Variants in TLN2 observed in about 807,000 individuals in gnomAD.
The protein encoded by TLN2 is talin 2, also known as talin-2.
TLN2 carries 118 observed loss-of-function variants against 294.7 expected under a neutral mutation model. The observed-to-expected ratio is 0.40, with a 90% CI of 0.34 to 0.47. TLN2 has a LOEUF of 0.47. Among genes scored for constraint, TLN2 ranks in the 20% least tolerant of loss-of-function variants. TLN2 has a pLI of 0.84. For missense variants in TLN2, 3,083 were observed against 3,282.2 expected, an observed-to-expected ratio of 0.94 and a Z score of 1.48; for synonymous variants, 1,431 against 1,304.5, an observed-to-expected ratio of 1.10 and a Z score of -2.09.
chr15:62,423,045 G>A (rs768815072), intron 1 of TLN2, among the ~76,000 whole-genome samples: 3 of 152,202 alleles, frequency 2.0e-5, no homozygotes, highest in Non-Finnish European at 2.9e-5. Flanking sequence ...AGGGGGAAGA[G>A]GTTATCCTGA....
intron 51 of TLN2, among the ~76,000 whole-genome samples, chr15:62,808,840 A>G (rs1406619861): frequency 6.6e-6 from 1 of 152,210 alleles, no homozygotes; most frequent in Non-Finnish European, 1.5e-5. Flanking sequence ...TGGCTCATAC[A>G]TGACATGCTG....
At chr15:62,587,766 A>G (rs1031067176) in intron 1 of TLN2, among the ~76,000 whole-genome samples, 1 of 152,240 alleles carries the variant, frequency 6.6e-6, no homozygotes, top group African/African-American at 2.4e-5. Context: ...TGGCTACAGA[A>G]TGACGTTTCC....
At chr15:62,763,490 C>CGTAT in intron 39 of TLN2, 73 bp from the exon 40 acceptor site, 1 of 1,513,152 alleles carries the variant, frequency 6.6e-7, no homozygotes, top group Non-Finnish European at 8.8e-7. Flanking sequence ...GGATCCTGGC[C>CGTAT]CACCAGTGCT....
At chr15:62,826,103 TCA>T (rs1302559886) in intron 54 of TLN2, among the ~76,000 whole-genome samples, 1 of 151,242 alleles carries the variant, frequency 6.6e-6, no homozygotes, top group Admixed American at 6.6e-5. Context: ...GTCAGATCCT[TCA>T]CAGACACAGA....
chr15:62,596,928 G>A (rs1486362459), intron 2 of TLN2, among the ~76,000 whole-genome samples: 4 of 151,812 alleles, frequency 2.6e-5, no homozygotes, highest in Admixed American at 1.3e-4. Flanking sequence ...TCTTTTACGG[G>A]GGCTTCCACA....
intron 52 of TLN2, among the ~76,000 whole-genome samples, chr15:62,810,952 T>C (rs1165229344): frequency 6.6e-6 from 1 of 152,208 alleles, no homozygotes; most frequent in East Asian, 1.9e-4. Context: ...CTGGGCATTC[T>C]CAAGTTTTCT....
At chr15:62,460,811 A>G (rs903028316) in intron 1 of TLN2, among the ~76,000 whole-genome samples, 8 of 152,152 alleles carry the variant, frequency 5.3e-5, no homozygotes, top group Non-Finnish European at 1.0e-4. Flanking sequence ...AACTGAACTC[A>G]CCTGTGTAAC....
At chr15:62,540,321 C>T (rs973386759) in intron 1 of TLN2, among the ~76,000 whole-genome samples, 2 of 150,760 alleles carry the variant, frequency 1.3e-5, no homozygotes, top group Admixed American at 6.6e-5. Context: ...GCCTGGGTGA[C>T]GGAGTGAGAC....
intron 52 of TLN2, among the ~76,000 whole-genome samples, chr15:62,815,177 T>TCACACACACACACACACA (rs3055852): frequency 2.1e-5 from 3 of 140,690 alleles, no homozygotes; most frequent in African/African-American, 5.5e-5. Context: ...ATTCTGTCTG[T>TCACACACACACACACACA]CACACACACA....
intron 1 of TLN2, among the ~76,000 whole-genome samples, chr15:62,426,957 C>G (rs1194138898): frequency 6.6e-6 from 1 of 152,168 alleles, no homozygotes; most frequent in Non-Finnish European, 1.5e-5. Flanking sequence ...GCCACCCAGA[C>G]GGCCCCTCTC....
intron 14 of TLN2, among the ~76,000 whole-genome samples, chr15:62,695,530 C>T (rs574243741): frequency 2.5e-4 from 38 of 152,310 alleles, no homozygotes; most frequent in Admixed American, 2.1e-3. Flanking sequence ...GACTCAGATT[C>T]AGATCTTGCG....
rs539178783 is a variant in TLN2, at chr15:62,663,292, T to C, written c.788+5394T>C. Among the ~76,000 whole-genome samples, 76 of 152,258 alleles carry C rather than the reference T, an allele frequency of 5.0e-4. No homozygotes were observed. The East Asian group carries it at 6.0e-3, about 12-fold the overall frequency. ...TAATCTTGATGACAAAAAGAAAAAC[T>C]TCATGGCATGCCAGAAATTCATGAA... On this transcript the variant is annotated intron_variant, in intron 9 of 58. Coordinates refer to ENST00000636159, the MANE Select transcript of TLN2 (RefSeq NM_015059.3).
At chr15:62,787,859 T>C (rs1286089452) in intron 45 of TLN2, among the ~76,000 whole-genome samples, 1 of 150,792 alleles carries the variant, frequency 6.6e-6, no homozygotes, top group Non-Finnish European at 1.5e-5. Context: ...GCCAGGCTGA[T>C]TTTTGTATTT....
At chr15:62,543,268 ACT>A (rs1283148779) in intron 1 of TLN2, among the ~76,000 whole-genome samples, 3 of 151,876 alleles carry the variant, frequency 2.0e-5, no homozygotes, top group Non-Finnish European at 2.9e-5. Context: ...TTGTTCAGAA[ACT>A]CTATATTCTC....
At chr15:62,699,535 C>G (rs146251083) in intron 16 of TLN2, among the ~76,000 whole-genome samples, 247 of 152,164 alleles carry the variant, frequency 1.6e-3, no homozygotes, top group African/African-American at 5.8e-3. Flanking sequence ...GGTGATTAAC[C>G]CAGAGATCTT....
At chr15:62,431,374 C>T (rs1418247528) in intron 1 of TLN2, among the ~76,000 whole-genome samples, 1 of 152,146 alleles carries the variant, frequency 6.6e-6, no homozygotes, top group Admixed American at 6.5e-5. Context: ...CTAATTAAGG[C>T]CGAATGTTCT....
At chr15:62,656,304 T>C (rs995233045) in intron 8 of TLN2, among the ~76,000 whole-genome samples, 21 of 152,194 alleles carry the variant, frequency 1.4e-4, no homozygotes, top group Non-Finnish European at 2.9e-4. Context: ...CCCTATGGCT[T>C]CCCAGATTGT....
At chr15:62,484,159 T>C (rs952529146) in intron 1 of TLN2, among the ~76,000 whole-genome samples, 24 of 152,208 alleles carry the variant, frequency 1.6e-4, no homozygotes, top group African/African-American at 5.8e-4. Flanking sequence ...AAAAGCTGGG[T>C]CAGGGTGGGT....
chr15:62,459,350 T>C (rs1294469828), intron 1 of TLN2, among the ~76,000 whole-genome samples: 1 of 151,176 alleles, frequency 6.6e-6, no homozygotes, highest in Non-Finnish European at 1.5e-5. Flanking sequence ...TGCTGCTCTT[T>C]CTACCTCACA....
Sources: gnomAD v4.1 joint callset for allele counts (sites outside exome capture counted in the v4.1 genomes callset) on GRCh38, gnomAD v4.1.1 for gene constraint, MANE v1.5 for transcripts, NCBI Gene and HGNC (gene_info 2026-07-23, HGNC 2026-07-21) for gene names.